The following CREB5 variants were observed in gnomAD, a reference collection of about 807,000 sequenced individuals.
CREB5 encodes the protein cAMP responsive element binding protein 5.
CREB5 carries 19 observed loss-of-function variants against 57.1 expected under a neutral mutation model. The observed-to-expected ratio is 0.33, with a 90% CI of 0.23 to 0.49. CREB5 has a LOEUF of 0.49. Ranked by LOEUF, CREB5 falls within the 20% of genes least tolerant of loss-of-function variation. The probability of loss-of-function intolerance (pLI) is 0.99; values close to 1 mark genes in which losing one functional copy is unlikely to be tolerated. For synonymous variants in CREB5, 238 were observed against 238.3 expected, an observed-to-expected ratio of 1.00 and a Z score of 0.01; for missense variants, 579 against 671.6, an observed-to-expected ratio of 0.86 and a Z score of 1.52.
chr7:28,560,933 T>TGTGCGC (rs1795194266), intron 4 of CREB5, among the ~76,000 whole-genome samples: 1 of 49,348 alleles, frequency 2.0e-5, no homozygotes, highest in African/African-American at 8.2e-5. Flanking sequence ...CGCGTGCGTG[T>TGTGCGC]GTGCGTGCGT....
At chr7:28,694,641 T>C (rs2128732709) in intron 5 of CREB5, among the ~76,000 whole-genome samples, 1 of 152,216 alleles carries the variant, frequency 6.6e-6, no homozygotes, top group Non-Finnish European at 1.5e-5. Context: ...ACTCTTGGGG[T>C]CAAATGGTCT....
intron 7 of CREB5, among the ~76,000 whole-genome samples, chr7:28,764,265 A>G (rs1805831020): frequency 6.6e-6 from 1 of 152,174 alleles, no homozygotes; most frequent in Non-Finnish European, 1.5e-5. Flanking sequence ...AATTTCAAGC[A>G]AAATATAAAT....
intron 4 of CREB5, among the ~76,000 whole-genome samples, chr7:28,541,303 A>T (rs528943574): frequency 9.2e-5 from 14 of 152,186 alleles, no homozygotes; most frequent in Non-Finnish European, 2.1e-4. Flanking sequence ...GTCATCGACC[A>T]TATATTAGGA....
chr7:28,745,208 A>G (rs1037307264), intron 7 of CREB5, among the ~76,000 whole-genome samples: 2 of 152,150 alleles, frequency 1.3e-5, no homozygotes, highest in African/African-American at 4.8e-5. Context: ...GTTTTGGCAA[A>G]CATCTAGTAT....
chr7:28,338,007 CACTTA>C (rs1302940640), intron 1 of CREB5, among the ~76,000 whole-genome samples: 2 of 152,136 alleles, frequency 1.3e-5, no homozygotes, highest in African/African-American at 4.8e-5. Flanking sequence ...AAAAATTCTA[CACTTA>C]ACTTCATTCC....
At chr7:28,475,155 T>C (rs955403237) in intron 1 of CREB5, among the ~76,000 whole-genome samples, 1 of 151,998 alleles carries the variant, frequency 6.6e-6, no homozygotes. Context: ...CATCTCTCCA[T>C]TTTCTCAAGA....
chr7:28,798,391 G>A (rs924051868), intron 7 of CREB5, among the ~76,000 whole-genome samples: 14 of 152,234 alleles, frequency 9.2e-5, no homozygotes, highest in Non-Finnish European at 1.3e-4. Flanking sequence ...GGTGTGCTGC[G>A]TGTGTGCACA....
At chr7:28,308,924 A>T (rs1785231308) in intron 1 of CREB5, among the ~76,000 whole-genome samples, 1 of 152,226 alleles carries the variant, frequency 6.6e-6, no homozygotes, top group Non-Finnish European at 1.5e-5. Flanking sequence ...GGATGAGATT[A>T]ACATTTAAGT....
At chr7:28,319,846 A>G (rs1785459179) in intron 1 of CREB5, among the ~76,000 whole-genome samples, 1 of 152,154 alleles carries the variant, frequency 6.6e-6, no homozygotes, top group South Asian at 2.1e-4. Context: ...AGGCTTTTTC[A>G]TATTTATTCT....
At chr7:28,417,038 G>A (rs550069689) in intron 1 of CREB5, among the ~76,000 whole-genome samples, 22 of 152,308 alleles carry the variant, frequency 1.4e-4, no homozygotes, top group South Asian at 2.1e-4. Context: ...GCAACAATGA[G>A]CAGCCTGAGA....
intron 7 of CREB5, among the ~76,000 whole-genome samples, chr7:28,762,217 A>T (rs1039174560): frequency 1.2e-4 from 18 of 152,226 alleles, no homozygotes; most frequent in African/African-American, 3.9e-4. Context: ...TGGGTCGATG[A>T]ACTTCAAACC....
chr7:28,815,754 T>G (rs894200749), intron 9 of CREB5, among the ~76,000 whole-genome samples: 1 of 152,172 alleles, frequency 6.6e-6, no homozygotes, highest in African/African-American at 2.4e-5. Context: ...AAATGGAGAC[T>G]AAATTCAACC....
chr7:28,405,709 G>A (rs553382389), intron 1 of CREB5, among the ~76,000 whole-genome samples: 8 of 152,270 alleles, frequency 5.3e-5, no homozygotes, highest in South Asian at 4.1e-4. Context: ...GAGCCACTGC[G>A]CCTGGCCTTG....
intron 4 of CREB5, among the ~76,000 whole-genome samples, chr7:28,551,821 T>TTTTC (rs10625343): frequency 0.53 from 78,106 of 147,366 alleles, 20,784 homozygotes; most frequent in Admixed American, 0.63. Context: ...CCTCTATGAT[T>TTTTC]TTTCTTTCTT....
chr7:28,309,462 T>C (rs1271888485), intron 1 of CREB5, among the ~76,000 whole-genome samples: 1 of 152,182 alleles, frequency 6.6e-6, no homozygotes, highest in East Asian at 1.9e-4. Context: ...GTGTCCACTT[T>C]CCTCTGTATT....
chr7:28,686,191 C>A (rs376548582), intron 5 of CREB5: 1 of 1,610,982 alleles, frequency 6.2e-7, no homozygotes, highest in Admixed American at 1.7e-5. Context: ...TCAGTGATGT[C>A]CATGAGGTTT....
intron 4 of CREB5, among the ~76,000 whole-genome samples, chr7:28,527,602 A>G (rs918387863): frequency 3.9e-5 from 6 of 152,298 alleles, no homozygotes; most frequent in Admixed American, 3.9e-4. Context: ...GGATCACTTG[A>G]GGACAGGTGT....
chr7:28,308,238 A>G (rs1189043939), intron 1 of CREB5, among the ~76,000 whole-genome samples: 1 of 152,208 alleles, frequency 6.6e-6, no homozygotes, highest in Non-Finnish European at 1.5e-5. Flanking sequence ...GGACTGAAAT[A>G]TAAGACAGTC....
chr7:28,715,712 T>C (rs1426594129), intron 5 of CREB5, among the ~76,000 whole-genome samples: 1 of 152,204 alleles, frequency 6.6e-6, no homozygotes, highest in African/African-American at 2.4e-5. Context: ...GAGAAAATTC[T>C]GCTGGTTTGG....
Sources: allele counts gnomAD v4.1 joint callset (sites outside exome capture counted in the v4.1 genomes callset), GRCh38; gene constraint gnomAD v4.1.1; transcripts MANE v1.5; gene names NCBI Gene and HGNC (gene_info 2026-07-23, HGNC 2026-07-21).